Variants in CRYBG1 observed in about 807,000 individuals in gnomAD.
The protein encoded by CRYBG1 is beta/gamma crystallin domain-containing protein 1.
Under a neutral mutation model 189.2 loss-of-function variants are expected in CRYBG1, and 139 were observed. The ratio of observed to expected loss-of-function variants is 0.73; its 90% CI spans 0.64 to 0.85. The LOEUF is 0.85. Ranked by LOEUF, CRYBG1 falls within the 40% of genes least tolerant of loss-of-function variation. CRYBG1 has a pLI of 0.00. For missense variants in CRYBG1, 2,611 were observed against 2,675.8 expected, an observed-to-expected ratio of 0.98 and a Z score of 0.53; for synonymous variants, 1,023 against 1,017.1, an observed-to-expected ratio of 1.01 and a Z score of -0.11.
chr6:106,541,405 C>T (rs564991681), intron 9 of CRYBG1, 181 bp from the exon 10 acceptor site: 1 of 692,510 alleles, frequency 1.4e-6, no homozygotes. Flanking sequence ...TCCGTTCTAG[C>T]CTGCCTTCCT....
intron 1 of CRYBG1, among the ~76,000 whole-genome samples, chr6:106,426,864 A>G (rs1470047170): frequency 6.6e-6 from 1 of 152,244 alleles, no homozygotes; most frequent in Non-Finnish European, 1.5e-5. Context: ...ATGGAAGGAA[A>G]CATCAGGTTA....
At position 106,474,496 on chromosome 6, in the gene CRYBG1, A is replaced by G. The variant is rs7759263; in HGVS notation, c.312+22664A>G. 8.4e-3 allele frequency among the ~76,000 whole-genome samples: 1,277 copies of G among 152,328 alleles called. 14 individuals are homozygous for G. Among genetic ancestry groups the G allele is most frequent in the African/African-American group, 0.029 (1,195 of 41,576 alleles). ...TGATTTTTTAAGTCATAAAGGTTTTACTTTTTATTTAGTATTTTAAATATG... is the reference window on the plus strand; with the variant it reads ...TGATTTTTTAAGTCATAAAGGTTTTGCTTTTTATTTAGTATTTTAAATATG... On this transcript the variant is annotated intron_variant, in intron 2 of 21. Coordinates refer to ENST00000633556, the MANE Select transcript of CRYBG1 (RefSeq NM_001371242.2).
intron 1 of CRYBG1, among the ~76,000 whole-genome samples, chr6:106,444,430 C>T (rs1250872189): frequency 1.3e-5 from 2 of 152,302 alleles, no homozygotes; most frequent in Middle Eastern, 3.4e-3. Context: ...GCACAGACCT[C>T]GGTTCCTCAG....
At chr6:106,535,316 AT>A (rs372075492) in intron 8 of CRYBG1, among the ~76,000 whole-genome samples, 49 of 152,280 alleles carry the variant, frequency 3.2e-4, no homozygotes, top group African/African-American at 1.1e-3. Flanking sequence ...TCAGAGCCCA[AT>A]TTTTTATTAT....
At chr6:106,467,333 G>A (rs577434774) in intron 2 of CRYBG1, among the ~76,000 whole-genome samples, 1 of 152,028 alleles carries the variant, frequency 6.6e-6, no homozygotes, top group African/African-American at 2.4e-5. Context: ...TTAGCCTGAT[G>A]TAGTGGTATG....
chr6:106,476,976 G>A (rs1772345936), intron 2 of CRYBG1, among the ~76,000 whole-genome samples: 1 of 152,120 alleles, frequency 6.6e-6, no homozygotes, highest in Non-Finnish European at 1.5e-5. Context: ...GGATACATGT[G>A]TTTATTACAT....
At position 106,506,209 on chromosome 6, in the gene CRYBG1, C is replaced by CT. The variant is rs560182970; in HGVS notation, c.313-5215dup. ...TTGTCTCCAAGAGCATTGACAACTC[C>CT]TTTTTTGAAAGGCAGGAGGGATGTT... On this transcript the variant is annotated intron_variant, in intron 2 of 21. Coordinates refer to ENST00000633556, the MANE Select transcript of CRYBG1 (RefSeq NM_001371242.2). Among the ~76,000 whole-genome samples, 960 of 152,164 alleles carry CT rather than the reference C, an allele frequency of 6.3e-3. 7 individuals carry two copies. The highest frequency in any genetic ancestry group is 0.022 in the African/African-American group (918 of 41,500).
chr6:106,387,730 C>T (rs1205295827), intron 1 of CRYBG1, among the ~76,000 whole-genome samples: 1 of 152,038 alleles, frequency 6.6e-6, no homozygotes, highest in Non-Finnish European at 1.5e-5. Flanking sequence ...CTCTAGCACT[C>T]TATGCTTGGT....
intron 2 of CRYBG1, among the ~76,000 whole-genome samples, chr6:106,473,413 A>G (rs1400628830): frequency 6.6e-6 from 1 of 152,184 alleles, no homozygotes; most frequent in African/African-American, 2.4e-5. Flanking sequence ...GTAGATGCAG[A>G]TAGTTACATA....
chr6:106,366,919 C>T (rs954359139), intron 1 of CRYBG1, among the ~76,000 whole-genome samples: 2 of 152,168 alleles, frequency 1.3e-5, no homozygotes, highest in Non-Finnish European at 2.9e-5. Flanking sequence ...GCCCAGAAGT[C>T]GTAACCAGGT....
Position 106,512,789 on chromosome 6 carries a change from G to A in CRYBG1, c.1672G>A (p.Glu558Lys), listed in dbSNP as rs200449812. ...CCCAGTCACCAAGGGCACTGCGGCC[G>A]AGAGCGGGGAGGAGGCGGCGCGGGC... ...PSPVTKGTAA[E>K]SGEEAARAIP... Residue 558 changes from glutamate to lysine, a missense_variant, in exon 3 of 22, where the codon GAG (glutamate) becomes AAG (lysine). Physicochemically the swap from Glu to Lys is moderately conservative, Grantham distance 56. Around this residue, in one of 3 missense-constraint regions of CRYBG1, gnomAD observed 985 missense variants for 924.4 expected, o/e 1.07. Transcript: ENST00000633556. 77 of 1,580,370 alleles carry A rather than the reference G, an allele frequency of 4.9e-5. 1 individual carries two copies. In the Admixed American group the frequency reaches 1.2e-3, roughly 24 times the overall value.
intron 1 of CRYBG1, among the ~76,000 whole-genome samples, chr6:106,402,333 T>C (rs1770736864): frequency 1.6e-5 from 1 of 60,822 alleles, no homozygotes; most frequent in Non-Finnish European, 3.1e-5. Flanking sequence ...AGAGCCCGCA[T>C]CACCAAGTCA....
intron 2 of CRYBG1, among the ~76,000 whole-genome samples, chr6:106,486,016 T>C (rs961049182): frequency 6.6e-6 from 1 of 152,202 alleles, no homozygotes; most frequent in Admixed American, 6.5e-5. Context: ...TTTATTTTGT[T>C]CTGTTCTTCT....
chr6:106,370,160 T>G (rs532647281), intron 1 of CRYBG1, among the ~76,000 whole-genome samples: 1 of 152,346 alleles, frequency 6.6e-6, no homozygotes, highest in African/African-American at 2.4e-5. Context: ...TTCATTAAAA[T>G]CTTAGATGAA....
chr6:106,487,911 A>C (rs181112143), intron 2 of CRYBG1, among the ~76,000 whole-genome samples: 17 of 152,240 alleles, frequency 1.1e-4, no homozygotes, highest in African/African-American at 4.1e-4. Flanking sequence ...ATATCTGTCC[A>C]TCTGGTAATA....
intron 2 of CRYBG1, among the ~76,000 whole-genome samples, chr6:106,492,394 T>C (rs1434452167): frequency 6.6e-6 from 1 of 152,178 alleles, no homozygotes; most frequent in African/African-American, 2.4e-5. Flanking sequence ...ACCAAACAAA[T>C]GTTTATAATA....
chr6:106,464,351 G>A (rs1342993577), intron 2 of CRYBG1, among the ~76,000 whole-genome samples: 1 of 151,978 alleles, frequency 6.6e-6, no homozygotes, highest in Admixed American at 6.5e-5. Context: ...AAATTAGCCG[G>A]GCATGTTGGT....
chr6:106,530,115 C>G, intron 7 of CRYBG1, 61 bp from the exon 8 acceptor site: 1 of 1,410,586 alleles, frequency 7.1e-7, no homozygotes, highest in Non-Finnish European at 9.6e-7. Flanking sequence ...GAAGAATGAG[C>G]TTACTAGAGA....
chr6:106,534,132 G>A (rs1481985133), intron 8 of CRYBG1, among the ~76,000 whole-genome samples: 1 of 152,112 alleles, frequency 6.6e-6, no homozygotes, highest in African/African-American at 2.4e-5. Context: ...GAATGAAAAA[G>A]GCATCTGTTA....
Sources: gnomAD v4.1 joint callset for allele counts (sites outside exome capture counted in the v4.1 genomes callset) on GRCh38, gnomAD v4.1.1 for gene constraint, gnomAD v4.1.1 regional missense constraint, MANE v1.5 for transcripts, NCBI Gene and HGNC (gene_info 2026-07-23, HGNC 2026-07-21) for gene names.